The following KCNJ3 variants were observed in gnomAD, a reference collection of about 807,000 sequenced individuals.
The protein encoded by KCNJ3 is potassium inwardly rectifying channel subfamily J member 3.
Under a neutral mutation model 39.2 loss-of-function variants are expected in KCNJ3, and 4 were observed. The observed-to-expected ratio is 0.10, with a 90% CI of 0.05 to 0.23. The LOEUF is 0.23. KCNJ3 is among the 10% of genes least tolerant of loss of function. The pLI is 1.00. For synonymous variants in KCNJ3, 230 were observed against 237.4 expected (o/e 0.97, Z 0.29); for missense variants, 276 against 634.9 (o/e 0.43, Z 6.08).
At chr2:154,743,361 T>C (rs1685685290) in intron 2 of KCNJ3, among the ~76,000 whole-genome samples, 1 of 151,738 alleles carries the variant, frequency 6.6e-6, no homozygotes, top group Non-Finnish European at 1.5e-5. Flanking sequence ...AATTTTAAGA[T>C]GAGTTTTTCT....
At chr2:154,800,206 C>A (rs1025045190) in intron 2 of KCNJ3, among the ~76,000 whole-genome samples, 38 of 152,162 alleles carry the variant, frequency 2.5e-4, no homozygotes, top group Non-Finnish European at 5.9e-5. Context: ...ACCTCTTTGC[C>A]TCCAGCTCTA....
At chr2:154,760,014 AG>A (rs79023877) in intron 2 of KCNJ3, among the ~76,000 whole-genome samples, 15,885 of 152,196 alleles carry the variant, frequency 0.1, 892 homozygotes, top group East Asian at 0.19. Context: ...ACTGAGTGGT[AG>A]GGAATATACA....
intron 2 of KCNJ3, among the ~76,000 whole-genome samples, chr2:154,827,102 C>T (rs1026095290): frequency 2.0e-5 from 3 of 151,962 alleles, no homozygotes; most frequent in Non-Finnish European, 2.9e-5. Context: ...AACCTTTTGC[C>T]GAATTGTATC....
intron 2 of KCNJ3, among the ~76,000 whole-genome samples, chr2:154,770,401 A>G (rs1686218252): frequency 6.6e-6 from 1 of 151,298 alleles, no homozygotes; most frequent in African/African-American, 2.4e-5. Flanking sequence ...TGGGAGGAGC[A>G]TTTTTGGCAG....
At chr2:154,851,479 C>T (rs1687754556) in intron 2 of KCNJ3, among the ~76,000 whole-genome samples, 1 of 152,106 alleles carries the variant, frequency 6.6e-6, no homozygotes. Context: ...TACTTTCAAA[C>T]TTTCAGTAGG....
At chr2:154,747,834 AG>A (rs1278416232) in intron 2 of KCNJ3, among the ~76,000 whole-genome samples, 1 of 152,036 alleles carries the variant, frequency 6.6e-6, no homozygotes, top group Non-Finnish European at 1.5e-5. Context: ...GCTGAATACC[AG>A]GGACCTTGGT....
In KCNJ3 at chr2:154,800,483, G is replaced by A. The variant is rs141810272; in HGVS notation, c.920-54244G>A. ...TCCCACACCTATCACATTTCTTGTA[G>A]TTTTTCTTCCAGTGACTTTCTTTAT... On this transcript the variant is annotated intron_variant, in intron 2 of 2. Coordinates refer to ENST00000295101, the MANE Select transcript of KCNJ3 (RefSeq NM_002239.4). Among the ~76,000 whole-genome samples the A allele has an allele frequency of 3.4e-3, 517 of 152,222 alleles. 3 individuals are homozygous for A. Among genetic ancestry groups the A allele is most frequent in the African/African-American group, 0.012 (490 of 41,562 alleles).
chr2:154,786,263 C>T (rs562765750), intron 2 of KCNJ3, among the ~76,000 whole-genome samples: 34 of 152,194 alleles, frequency 2.2e-4, no homozygotes, highest in Admixed American at 3.3e-4. Context: ...GTATTTCTAA[C>T]GAAAATTTTA....
chr2:154,717,670 GCA>G, intron 2 of KCNJ3, among the ~76,000 whole-genome samples: 1 of 152,172 alleles, frequency 6.6e-6, no homozygotes, highest in East Asian at 1.9e-4. Context: ...AAATAAAACA[GCA>G]CTATCAAGCC....
At chr2:154,807,046 A>G (rs956680642) in intron 2 of KCNJ3, among the ~76,000 whole-genome samples, 1 of 152,162 alleles carries the variant, frequency 6.6e-6, no homozygotes, top group African/African-American at 2.4e-5. Context: ...AATTTCACCT[A>G]AAATCAGGGA....
chr2:154,827,828 A>G (rs190441178), intron 2 of KCNJ3, among the ~76,000 whole-genome samples: 3 of 152,332 alleles, frequency 2.0e-5, no homozygotes, highest in Admixed American at 2.0e-4. Flanking sequence ...AAATATAAAC[A>G]CGTCTTAGTC....
At chr2:154,725,570 CTT>C (rs1395115694) in intron 2 of KCNJ3, among the ~76,000 whole-genome samples, 2 of 151,900 alleles carry the variant, frequency 1.3e-5, no homozygotes, top group African/African-American at 4.8e-5. Flanking sequence ...CTGTATCAAA[CTT>C]TATTTTATTA....
At chr2:154,730,128 A>C (rs1685426567) in intron 2 of KCNJ3, among the ~76,000 whole-genome samples, 1 of 151,978 alleles carries the variant, frequency 6.6e-6, no homozygotes, top group African/African-American at 2.4e-5. Flanking sequence ...GAAATGATGC[A>C]ACTAAGGACC....
chr2:154,706,494 G>A (rs1685012849), intron 1 of KCNJ3, among the ~76,000 whole-genome samples: 1 of 152,010 alleles, frequency 6.6e-6, no homozygotes, highest in African/African-American at 2.4e-5. Context: ...AATTACAGAA[G>A]AAAATTGATT....
At chr2:154,742,255 C>T (rs1301447460) in intron 2 of KCNJ3, among the ~76,000 whole-genome samples, 2 of 151,754 alleles carry the variant, frequency 1.3e-5, no homozygotes, top group African/African-American at 4.8e-5. Flanking sequence ...CATTGTATGT[C>T]TATACCACAT....
At chr2:154,796,645 T>G (rs1686724752) in intron 2 of KCNJ3, among the ~76,000 whole-genome samples, 1 of 151,750 alleles carries the variant, frequency 6.6e-6, no homozygotes, top group East Asian at 1.9e-4. Flanking sequence ...TAAAGGGTTT[T>G]TTTTGTGATA....
chr2:154,855,337 T>G lies in KCNJ3; in HGVS notation c.*24T>G. ...AACAAAGCACTCCCTTAGGCATTAT[T>G]TAATGTTTGATTTAGTAATAGTCCA... is the stretch of plus-strand genomic sequence containing the variant. On this transcript the variant is annotated 3_prime_UTR_variant, in exon 3 of 3. Transcript: ENST00000295101. The G allele has an allele frequency of 6.8e-7, 1 of 1,464,448 alleles. No homozygotes were observed. Among genetic ancestry groups the G allele is most frequent in the Non-Finnish European group, 9.3e-7 (1 of 1,078,832 alleles). 90.7% of individuals were successfully genotyped at this position (1,464,448 alleles called of 1,614,324 possible).
intron 2 of KCNJ3, among the ~76,000 whole-genome samples, chr2:154,824,723 A>G (rs975359540): frequency 6.6e-6 from 1 of 152,240 alleles, no homozygotes; most frequent in Non-Finnish European, 1.5e-5. Flanking sequence ...AATACAAACC[A>G]TTGTCGTGTA....
chr2:154,700,518 TTAAA>T (rs1367750186), intron 1 of KCNJ3, among the ~76,000 whole-genome samples: 4 of 152,190 alleles, frequency 2.6e-5, no homozygotes, highest in South Asian at 2.1e-4. Flanking sequence ...AAAGATGACC[TTAAA>T]TAAATAGTTC....
Sources: gnomAD v4.1 joint callset for allele counts (sites outside exome capture counted in the v4.1 genomes callset) on GRCh38, gnomAD v4.1.1 for gene constraint, MANE v1.5 for transcripts, NCBI Gene and HGNC (gene_info 2026-07-23, HGNC 2026-07-21) for gene names.